KLHL29: variants seen among roughly 807,000 people sequenced by gnomAD.
KLHL29 encodes kelch like family member 29, also known as kelch-like protein 29.
A neutral mutation model predicts 80.4 loss-of-function variants in KLHL29; 21 were observed. That is an observed-to-expected ratio of 0.26 (90% CI 0.19 to 0.38). The LOEUF (loss-of-function observed/expected upper bound fraction) is 0.38, where lower values mean the gene tolerates loss of function less well. Among genes scored for constraint, KLHL29 ranks in the 10% least tolerant of loss-of-function variants. The probability of loss-of-function intolerance (pLI) is 1.00; values close to 1 mark genes in which losing one functional copy is unlikely to be tolerated. For synonymous variants in KLHL29, 511 were observed against 526.8 expected (o/e 0.97, Z 0.41); for missense variants, 867 against 1,223.9 (o/e 0.71, Z 4.35).
intron 1 of KLHL29, among the ~76,000 whole-genome samples, chr2:23,456,824 G>T (rs1664067172): frequency 6.6e-6 from 1 of 152,226 alleles, no homozygotes; most frequent in South Asian, 2.1e-4. Context: ...CCCTTGTGGG[G>T]TCCAGTCACC....
chr2:23,637,508 C>A (rs906769120), intron 3 of KLHL29, among the ~76,000 whole-genome samples: 2 of 152,178 alleles, frequency 1.3e-5, no homozygotes, highest in Non-Finnish European at 2.9e-5. Context: ...TCCTTTGTTT[C>A]TTGCTCTGTT....
At chr2:23,479,996 T>G (rs1022956926) in intron 2 of KLHL29, among the ~76,000 whole-genome samples, 1 of 152,250 alleles carries the variant, frequency 6.6e-6, no homozygotes, top group Admixed American at 6.5e-5. Flanking sequence ...AGGCAAGCTC[T>G]GGATTCTAGT....
intron 2 of KLHL29, among the ~76,000 whole-genome samples, chr2:23,547,839 G>A (rs1667016646): frequency 6.6e-6 from 1 of 152,138 alleles, no homozygotes; most frequent in East Asian, 1.9e-4. Context: ...GAAGACAGCA[G>A]TGCTGGATGA....
intron 2 of KLHL29, among the ~76,000 whole-genome samples, chr2:23,500,983 C>T (rs964683860): frequency 5.3e-5 from 8 of 152,108 alleles, no homozygotes; most frequent in Admixed American, 3.3e-4. Flanking sequence ...GAGCATCTCC[C>T]GGCCTGTGTG....
chr2:23,496,696 G>A (rs1222309101), intron 2 of KLHL29, among the ~76,000 whole-genome samples: 1 of 152,244 alleles, frequency 6.6e-6, no homozygotes, highest in Non-Finnish European at 1.5e-5. Flanking sequence ...GACCACCGCT[G>A]TCTCTGCTTT....
rs72846867 is a variant in KLHL29, at chr2:23,418,883, C to T, written c.-154+33103C>T. ...TCAATCCTGATCCCCCCTTCCCTGC[C>T]CCTTAGTGCCCATGTTAGGCTTGAC... On this transcript the variant is annotated intron_variant, in intron 1 of 13. Transcript: ENST00000486442. Among the ~76,000 whole-genome samples the T allele has an allele frequency of 4.7e-3, 720 of 152,260 alleles. 5 individuals carry two copies. The highest frequency in any genetic ancestry group is 0.016 in the African/African-American group (673 of 41,548).
intron 1 of KLHL29, among the ~76,000 whole-genome samples, chr2:23,406,030 A>G (rs1011803256): frequency 2.0e-5 from 3 of 152,190 alleles, no homozygotes; most frequent in African/African-American, 7.2e-5. Context: ...AATAATCTCT[A>G]ATAAATATAT....
chr2:23,561,210 TC>T (rs1166755844), intron 2 of KLHL29, among the ~76,000 whole-genome samples: 3 of 152,116 alleles, frequency 2.0e-5, no homozygotes, highest in Admixed American at 2.0e-4. Context: ...ACCGACAGCT[TC>T]CCCTGCGTCT....
chr2:23,698,193 C>G (rs564888028), intron 11 of KLHL29, among the ~76,000 whole-genome samples: 33 of 152,136 alleles, frequency 2.2e-4, no homozygotes, highest in Non-Finnish European at 1.6e-4. Flanking sequence ...ACAGTGTGAG[C>G]GAGACCACCC....
At chr2:23,529,583 G>A (rs185850307) in intron 2 of KLHL29, among the ~76,000 whole-genome samples, 17 of 138,952 alleles carry the variant, frequency 1.2e-4, no homozygotes, top group African/African-American at 7.8e-5. Context: ...TTGCCCACCC[G>A]CCCCCACCAA....
At chr2:23,703,530 C>A (rs1162033689) in intron 12 of KLHL29, among the ~76,000 whole-genome samples, 151 bp downstream of exon 12, 2 of 152,256 alleles carry the variant, frequency 1.3e-5, no homozygotes, top group Non-Finnish European at 2.9e-5. Flanking sequence ...GCCCCCAGCT[C>A]AGGTGTCTGG....
chr2:23,579,458 C>T (rs762104449), intron 3 of KLHL29, among the ~76,000 whole-genome samples: 2 of 152,168 alleles, frequency 1.3e-5, no homozygotes, highest in Non-Finnish European at 2.9e-5. Context: ...ATGCCTGGCT[C>T]AGGGCTCAGG....
chr2:23,504,073 C>G (rs963590929), intron 2 of KLHL29, among the ~76,000 whole-genome samples: 1 of 152,122 alleles, frequency 6.6e-6, no homozygotes, highest in African/African-American at 2.4e-5. Flanking sequence ...CGGGAGGAGG[C>G]AGTGACAGCT....
chr2:23,562,479 A>C lies in KLHL29; in HGVS notation c.283A>C (p.Lys95Gln). ...VASSASAVTT[K>Q]APGISKGDSQ... ...CAGCTCTGCGTCTGCGGTCACCACC[A>C]AGGTAAGATGTGGTGTCATCTCTGA... The change falls in exon 3 of 14, where the codon AAG becomes CAG. Residue 95 changes from lysine to glutamine, a missense_variant and splice_region_variant. By Grantham distance (53) the Lys-to-Gln change is moderately conservative. Around this residue, in one of 2 missense-constraint regions of KLHL29, gnomAD observed 424 missense variants for 456.9 expected, o/e 0.93. Transcript: ENST00000486442. The surrounding 1 kb of genome is among the most constrained non-coding windows in gnomAD (Gnocchi z 4.5). 1 of 1,535,624 alleles carries C rather than the reference A, an allele frequency of 6.5e-7. No individual in the cohort carries two copies. Among genetic ancestry groups the C allele is most frequent in the South Asian group, 1.2e-5 (1 of 84,008 alleles).
chr2:23,549,700 C>T (rs949493681), intron 2 of KLHL29, among the ~76,000 whole-genome samples: 2 of 152,186 alleles, frequency 1.3e-5, no homozygotes, highest in Admixed American at 1.3e-4. Context: ...CCTTGGGGGT[C>T]GCTGCTGATC....
intron 3 of KLHL29, among the ~76,000 whole-genome samples, chr2:23,566,308 G>A (rs1173354979): frequency 6.6e-6 from 1 of 152,202 alleles, no homozygotes; most frequent in African/African-American, 2.4e-5. Context: ...CCTAACAGGA[G>A]CAGAGTGACC....
At chr2:23,552,960 A>G (rs1371851685) in intron 2 of KLHL29, among the ~76,000 whole-genome samples, 1 of 151,974 alleles carries the variant, frequency 6.6e-6, no homozygotes, top group Non-Finnish European at 1.5e-5. Context: ...TGGTTTCACC[A>G]TGTGGGCCAG....
At chr2:23,414,902 A>G (rs183005733) in intron 1 of KLHL29, among the ~76,000 whole-genome samples, 33 of 152,372 alleles carry the variant, frequency 2.2e-4, no homozygotes, top group African/African-American at 7.9e-4. Flanking sequence ...ACAGAAACCA[A>G]TCCTGGGTAA....
chr2:23,479,910 T>C (rs1289556360), intron 2 of KLHL29, among the ~76,000 whole-genome samples: 1 of 152,216 alleles, frequency 6.6e-6, no homozygotes, highest in African/African-American at 2.4e-5. Flanking sequence ...TAGATTATTT[T>C]ATTCAGTTCA....
Sources: gnomAD v4.1 joint callset for allele counts (sites outside exome capture counted in the v4.1 genomes callset) on GRCh38, gnomAD v4.1.1 for gene constraint, gnomAD v4.1.1 regional missense constraint, Gnocchi (gnomAD v3.1) non-coding constraint, MANE v1.5 for transcripts, NCBI Gene and HGNC (gene_info 2026-07-23, HGNC 2026-07-21) for gene names.